PSMA5: variants seen among roughly 807,000 people sequenced by gnomAD.
The protein encoded by PSMA5 is proteasome subunit alpha type-5.
Under a neutral mutation model 34.5 loss-of-function variants are expected in PSMA5, and 3 were observed. The ratio of observed to expected loss-of-function variants is 0.09; its 90% CI spans 0.04 to 0.22. PSMA5 has a LOEUF of 0.22. Ranked by LOEUF, PSMA5 falls within the 10% of genes least tolerant of loss-of-function variation. The pLI is 1.00. For synonymous variants in PSMA5, 88 were observed against 95.8 expected (o/e 0.92, Z 0.47); for missense variants, 120 against 286.1 (o/e 0.42, Z 4.19).
At chr1:109,426,221 ACG>A in intron 1 of PSMA5, 79 bp downstream of exon 1, 1 of 1,571,436 alleles carries the variant, frequency 6.4e-7, no homozygotes, top group Non-Finnish European at 8.8e-7. Flanking sequence ...GCCCCATGAC[ACG>A]GCAGAACCCA....
intron 1 of PSMA5, among the ~76,000 whole-genome samples, chr1:109,422,631 C>T (rs899517948): frequency 6.6e-6 from 1 of 152,058 alleles, no homozygotes; most frequent in Non-Finnish European, 1.5e-5. Context: ...TGCCACCACG[C>T]CCGGCTAATT....
At position 109,426,410 on chromosome 1, in the gene PSMA5, G is replaced by A; in HGVS notation, c.-80C>T. On this transcript the variant is annotated 5_prime_UTR_variant, in exon 1 of 9. Transcript: ENST00000271308. ...TCCACCGGCACCCAACTCACCGGCA[G>A]CCAACTCACCCACACGGCCGCAGTA... 1 of 1,565,020 alleles carries A rather than the reference G, an allele frequency of 6.4e-7. No individual in the cohort carries two copies. Among genetic ancestry groups the A allele is most frequent in the Admixed American group, 1.7e-5 (1 of 59,940 alleles).
At chr1:109,402,205 C>A in intron 8 of PSMA5, 115 bp from the exon 9 acceptor site, 2 of 667,176 alleles carry the variant, frequency 3.0e-6, no homozygotes, top group East Asian at 5.7e-5. Flanking sequence ...ACTAAGGGAT[C>A]TGCTGTCCCA....
In PSMA5 at chr1:109,399,910, TA is replaced by T. The variant is rs1653434232; in HGVS notation, c.*2102del. 1 of 152,204 alleles carries T rather than the reference TA, an allele frequency of 6.6e-6. No individual in the cohort carries two copies. The highest frequency in any genetic ancestry group is 6.5e-5 in the Admixed American group (1 of 15,286). 9.4% of individuals were successfully genotyped at this position (152,204 alleles called of 1,614,324 possible). A position where few individuals can be genotyped will look rare whatever the true frequency, so the allele number is the denominator to read the frequency against. On this transcript the variant is annotated 3_prime_UTR_variant, in exon 9 of 9. Transcript: ENST00000271308. ...TTGCAGGACTAAAGTAAATTTATCT[TA>T]TTACTAAAAACCGTACCTTTCTCCA...
rs1377395889 is a variant in PSMA5 at position 109,401,611 on chromosome 1, A to G, written c.*402T>C. 3.9e-5 allele frequency: 6 copies of G among 154,422 alleles called. No homozygotes were observed. Among genetic ancestry groups the G allele is most frequent in the African/African-American group, 1.4e-4 (6 of 41,492 alleles). The allele number at this position is 154,422 out of a possible 1,614,324, so 9.6% of individuals were successfully genotyped here. ...TTTAGAACAGACATCTTCATAGAAT[A>G]GGGATATTAATAACACTGTCCTTTT... On this transcript the variant is annotated 3_prime_UTR_variant, in exon 9 of 9. Coordinates refer to ENST00000271308, the MANE Select transcript of PSMA5 (RefSeq NM_002790.4).
At chr1:109,416,059 CAATAAT>C (rs1287859059) in intron 2 of PSMA5, among the ~76,000 whole-genome samples, 8 of 152,064 alleles carry the variant, frequency 5.3e-5, no homozygotes, top group African/African-American at 1.7e-4. Context: ...ATGAGGATGA[CAATAAT>C]AATAAGAAGG....
At chr1:109,421,018 CAAA>C (rs60663577) in intron 2 of PSMA5, among the ~76,000 whole-genome samples, 3 of 87,704 alleles carry the variant, frequency 3.4e-5, no homozygotes. Context: ...ACATCTCTAC[CAAA>C]AAAAAAAAAA....
chr1:109,411,199 T>A (rs571213983), intron 6 of PSMA5, 86 bp from the exon 7 acceptor site: 1 of 854,522 alleles, frequency 1.2e-6, no homozygotes, highest in East Asian at 2.7e-5. Context: ...AAAGTATAAA[T>A]GCTTGGCCCT....
Position 109,403,312 on chromosome 1 carries a change from T to G in PSMA5, c.649-1222A>C, listed in dbSNP as rs567760181. ...TACATGTCATTTCCTCATAGTGTCT[T>G]TTTTCTTCAATTTTTAAAATTAAAC... On this transcript the variant is annotated intron_variant, in intron 8 of 8. Coordinates refer to ENST00000271308, the MANE Select transcript of PSMA5 (RefSeq NM_002790.4). Among the ~76,000 whole-genome samples, 12 of 152,232 alleles carry G rather than the reference T, an allele frequency of 7.9e-5. No homozygotes were observed. In the East Asian group the frequency reaches 2.3e-3, roughly 29 times the overall value.
intron 7 of PSMA5, among the ~76,000 whole-genome samples, chr1:109,410,658 T>C (rs1335168615): frequency 2.0e-5 from 3 of 152,224 alleles, no homozygotes; most frequent in Non-Finnish European, 2.9e-5. Context: ...ATCCATACCA[T>C]GGTATATTAC....
At chr1:109,412,252 CGCACA>C in intron 4 of PSMA5, 68 bp from the exon 5 acceptor site, 1 of 1,273,520 alleles carries the variant, frequency 7.9e-7, no homozygotes, top group East Asian at 2.3e-5. Context: ...CATCTCACTA[CGCACA>C]TCCCTTTAAA....
At chr1:109,419,867 TG>T (rs1260002185) in intron 2 of PSMA5, among the ~76,000 whole-genome samples, 1 of 148,458 alleles carries the variant, frequency 6.7e-6, no homozygotes, top group Non-Finnish European at 1.5e-5. Flanking sequence ...CCGGCTACTT[TG>T]GGGGCTGAGG....
At chr1:109,411,994 G>C in intron 5 of PSMA5, 59 bp from the exon 6 acceptor site, 1 of 1,587,764 alleles carries the variant, frequency 6.3e-7, no homozygotes, top group Middle Eastern at 1.7e-4. Flanking sequence ...GAGGTGAGAG[G>C]GGCTGGGAAT....
At position 109,400,433 on chromosome 1, in the gene PSMA5, T is replaced by C. The variant is rs973666909; in HGVS notation, c.*1580A>G. The C allele has an allele frequency of 6.6e-6, 1 of 152,252 alleles. No individual in the cohort carries two copies. The highest frequency in any genetic ancestry group is 1.5e-5 in the Non-Finnish European group (1 of 68,042). The allele number at this position is 152,252 out of a possible 1,614,324, so 9.4% of individuals were successfully genotyped here. On this transcript the variant is annotated 3_prime_UTR_variant, in exon 9 of 9. Coordinates refer to ENST00000271308, the MANE Select transcript of PSMA5 (RefSeq NM_002790.4). ...AATACATTTCTTGGCATATAGTAGG[T>C]AGGTGCTCAATAAATTTGTTACAGG...
intron 2 of PSMA5, among the ~76,000 whole-genome samples, chr1:109,419,095 G>A (rs1654333532): frequency 6.6e-6 from 1 of 152,166 alleles, no homozygotes; most frequent in East Asian, 1.9e-4. Context: ...GGAGGTTGCA[G>A]TGAGCCGAGA....
intron 7 of PSMA5, 73 bp downstream of exon 7, chr1:109,410,938 G>A: frequency 8.6e-7 from 1 of 1,165,850 alleles, no homozygotes; most frequent in Non-Finnish European, 1.2e-6. Flanking sequence ...AACTCTTAAG[G>A]TTTGCACATT....
At chr1:109,412,916 AG>A (rs1654055933) in intron 4 of PSMA5, 151 bp downstream of exon 4, 1 of 625,674 alleles carries the variant, frequency 1.6e-6, no homozygotes, top group Non-Finnish European at 2.8e-6. Flanking sequence ...TCCAAGCCCC[AG>A]GAAGTTCTAA....
At chr1:109,407,401 T>C (rs1168098037) in intron 8 of PSMA5, among the ~76,000 whole-genome samples, 2 of 152,170 alleles carry the variant, frequency 1.3e-5, no homozygotes, top group Non-Finnish European at 1.5e-5. Context: ...GGCTCCCAAA[T>C]GTCAGTCCTT....
intron 2 of PSMA5, among the ~76,000 whole-genome samples, chr1:109,420,732 A>G (rs906877463): frequency 2.0e-5 from 3 of 152,136 alleles, no homozygotes; most frequent in African/African-American, 7.2e-5. Context: ...GTGATTCTCA[A>G]TTGGGGGCCC....
Sources: gnomAD v4.1 joint callset for allele counts (sites outside exome capture counted in the v4.1 genomes callset) on GRCh38, gnomAD v4.1.1 for gene constraint, MANE v1.5 for transcripts, NCBI Gene and HGNC (gene_info 2026-07-23, HGNC 2026-07-21) for gene names.